The following WDHD1 variants were observed in gnomAD, a reference collection of about 807,000 sequenced individuals.
WDHD1 encodes WD repeat and HMG-box DNA-binding protein 1.
WDHD1 carries 111 observed loss-of-function variants against 135.4 expected under a neutral mutation model. That is an observed-to-expected ratio of 0.82 (90% CI 0.70 to 0.96). The LOEUF is 0.96. Ranked by LOEUF, WDHD1 falls within the 40% of genes least tolerant of loss-of-function variation. The pLI is 0.00. For missense variants in WDHD1, 1,351 were observed against 1,336.3 expected (o/e 1.01, Z -0.17); for synonymous variants, 434 against 439.0 (o/e 0.99, Z 0.14).
chr14:54,961,967 G>C (rs1469209487), intron 21 of WDHD1, among the ~76,000 whole-genome samples: 2 of 151,942 alleles, frequency 1.3e-5, no homozygotes, highest in Non-Finnish European at 2.9e-5. Context: ...CTCCCGAGTA[G>C]CTGGGATTAC....
intron 24 of WDHD1, among the ~76,000 whole-genome samples, chr14:54,946,147 C>T (rs1237931096): frequency 2.6e-5 from 4 of 152,196 alleles, no homozygotes; most frequent in African/African-American, 9.7e-5. Flanking sequence ...TGTCACAAGT[C>T]TACTTAGTGG....
chr14:54,971,570 A>G (rs2041432863), intron 16 of WDHD1, among the ~76,000 whole-genome samples: 1 of 152,114 alleles, frequency 6.6e-6, no homozygotes. Flanking sequence ...TGTTGAAAGA[A>G]ACCATAGATG....
intron 25 of WDHD1, 83 bp downstream of exon 25, chr14:54,944,249 T>C (rs1261464209): frequency 7.7e-6 from 12 of 1,564,244 alleles, no homozygotes; most frequent in East Asian, 4.6e-5. Context: ...TAAGACACCA[T>C]ACCCAGCCAA....
In WDHD1 at chr14:54,974,206, G is replaced by C. The variant is rs114963628; in HGVS notation, c.2064-6812C>G. On this transcript the variant is annotated intron_variant, in intron 16 of 25. Transcript: ENST00000360586. Reference sequence around the variant, plus strand: ...GGAGGCTGAGGTAGGCAGATCGCTTGAGCTCAGGAGCTCAAGACCAGCTCG... The same window carrying C: ...GGAGGCTGAGGTAGGCAGATCGCTTCAGCTCAGGAGCTCAAGACCAGCTCG... Among the ~76,000 whole-genome samples the C allele has an allele frequency of 5.2e-3, 791 of 152,050 alleles. 4 individuals carry two copies. The highest frequency in any genetic ancestry group is 0.018 in the African/African-American group (752 of 41,514).
chr14:54,946,658 T>G (rs1373931751), intron 24 of WDHD1, among the ~76,000 whole-genome samples: 1 of 152,140 alleles, frequency 6.6e-6, no homozygotes, highest in Non-Finnish European at 1.5e-5. Flanking sequence ...TGGCTGATTT[T>G]AAAACTTTTG....
chr14:55,017,597 C>T lies in WDHD1; in HGVS notation c.78-4001G>A, dbSNP rs999729332. ...ACCTCAAGTGATACACCTACCTCAG[C>T]TTTCCAAAGTGCTGGAATTACAGAC... On this transcript the variant is annotated intron_variant, in intron 2 of 25. Transcript: ENST00000360586. 1.3e-5 allele frequency among the ~76,000 whole-genome samples: 2 copies of T among 152,176 alleles called. 1 individual carries two copies. The highest frequency in any genetic ancestry group is 4.8e-5 in the African/African-American group (2 of 41,434).
intron 24 of WDHD1, among the ~76,000 whole-genome samples, chr14:54,950,268 A>G (rs1411445116): frequency 6.6e-6 from 1 of 152,208 alleles, no homozygotes; most frequent in Non-Finnish European, 1.5e-5. Flanking sequence ...GCAGAGACAC[A>G]CATAAGCTCA....
At chr14:54,990,805 T>C (rs1030608216) in intron 12 of WDHD1, among the ~76,000 whole-genome samples, 1 of 152,170 alleles carries the variant, frequency 6.6e-6, no homozygotes, top group Non-Finnish European at 1.5e-5. Flanking sequence ...TTTCCCCCCA[T>C]AGTACTTGCC....
Position 54,955,156 on chromosome 14 carries a change from A to G in WDHD1, c.3050+405T>C, listed in dbSNP as rs144086520. Among the ~76,000 whole-genome samples, 808 of 152,334 alleles carry G rather than the reference A, an allele frequency of 5.3e-3. 10 individuals carry two copies. The highest frequency in any genetic ancestry group is 0.018 in the African/African-American group (764 of 41,580). ...CAAATATGTATTTGCACATAAATAG[A>G]ATAATTTTGGAAAGTTCCACAAGAA... On this transcript the variant is annotated intron_variant, in intron 24 of 25. Transcript: ENST00000360586.
chr14:54,982,670 C>G (rs1187887), intron 15 of WDHD1, among the ~76,000 whole-genome samples: 146,985 of 152,258 alleles, frequency 0.97, 71,091 homozygotes, highest in Non-Finnish European at 1. Context: ...ATTGGTACTT[C>G]GGAGAAAAAA....
chr14:54,989,118 G>A lies in WDHD1; in HGVS notation c.1436C>T (p.Thr479Ile). The change falls in exon 13 of 26, where the codon ACA (threonine) becomes ATA (isoleucine). Residue 479 changes from threonine (T) to isoleucine (I), a missense_variant. Physicochemically the swap from Thr to Ile is moderately conservative, Grantham distance 89 (BLOSUM62 -1). This residue lies in a region of WDHD1 where 1,330 missense variants were observed against 1,296.1 expected (regional missense o/e 1.03). Coordinates refer to ENST00000360586, the MANE Select transcript of WDHD1 (RefSeq NM_007086.4). Reference protein sequence around the residue: ...EFHDTSIHHATHLSNTLNYTI... With the variant: ...EFHDTSIHHAIHLSNTLNYTI... ...ATAATTCAAAGTGTTTGATAAGTGTGTTGCATGGTGTATGGAGGTATCATG... is the reference window on the plus strand; with the variant it reads ...ATAATTCAAAGTGTTTGATAAGTGTATTGCATGGTGTATGGAGGTATCATG... The A allele has an allele frequency of 6.2e-7, 1 of 1,613,780 alleles. No homozygotes were observed. Among genetic ancestry groups the A allele is most frequent in the Non-Finnish European group, 8.5e-7 (1 of 1,179,830 alleles).
At chr14:54,954,675 A>G (rs191198312) in intron 24 of WDHD1, among the ~76,000 whole-genome samples, 31 of 152,316 alleles carry the variant, frequency 2.0e-4, no homozygotes, top group South Asian at 6.2e-4. Context: ...CTATCCATCC[A>G]TTTATGTATT....
At chr14:54,943,346 G>C (rs2040868143) in intron 25 of WDHD1, among the ~76,000 whole-genome samples, 1 of 152,090 alleles carries the variant, frequency 6.6e-6, no homozygotes, top group East Asian at 1.9e-4. Context: ...AATTCTGCTT[G>C]CAAGAACCCT....
intron 4 of WDHD1, 52 bp from the exon 5 acceptor site, chr14:55,008,771 T>A: frequency 4.9e-6 from 5 of 1,028,342 alleles, no homozygotes; most frequent in Non-Finnish European, 7.4e-6. Context: ...CAAAGGCCTC[T>A]CCTAAAAGCT....
intron 12 of WDHD1, among the ~76,000 whole-genome samples, chr14:54,990,274 T>G (rs1009678873): frequency 6.6e-6 from 1 of 152,006 alleles, no homozygotes; most frequent in Admixed American, 6.6e-5. Context: ...ATGGAAAACA[T>G]CATATAACCA....
At chr14:55,025,956 C>T (rs1227419352) in intron 2 of WDHD1, among the ~76,000 whole-genome samples, 1 of 152,258 alleles carries the variant, frequency 6.6e-6, no homozygotes, top group Admixed American at 6.5e-5. Flanking sequence ...CCTTCCCTGA[C>T]TCCTTTAACT....
At chr14:54,993,740 T>G (rs998645478) in intron 11 of WDHD1, among the ~76,000 whole-genome samples, 1 of 133,154 alleles carries the variant, frequency 7.5e-6, no homozygotes, top group Non-Finnish European at 1.6e-5. Flanking sequence ...ATGCCACTCT[T>G]CTCACTAATT....
chr14:54,970,621 CAA>C (rs202021020), intron 16 of WDHD1, among the ~76,000 whole-genome samples: 128 of 130,586 alleles, frequency 9.8e-4, no homozygotes, highest in Middle Eastern at 4.1e-3. Flanking sequence ...GTCACAGCAC[CAA>C]AAAAAAAAAA....
intron 21 of WDHD1, among the ~76,000 whole-genome samples, chr14:54,961,218 T>G (rs1437914040): frequency 6.6e-6 from 1 of 152,016 alleles, no homozygotes; most frequent in East Asian, 1.9e-4. Context: ...TGACCGGGTG[T>G]GGTGGCTCAC....
Sources: gnomAD v4.1 joint callset for allele counts (sites outside exome capture counted in the v4.1 genomes callset) on GRCh38, gnomAD v4.1.1 for gene constraint, gnomAD v4.1.1 regional missense constraint, MANE v1.5 for transcripts, NCBI Gene and HGNC (gene_info 2026-07-23, HGNC 2026-07-21) for gene names.